The following WASL variants were observed in gnomAD, a reference collection of about 807,000 sequenced individuals.
WASL encodes the protein WASP like actin nucleation promoting factor, also known as actin nucleation-promoting factor WASL.
WASL carries 20 observed loss-of-function variants against 55.5 expected under a neutral mutation model. The observed-to-expected ratio is 0.36, with a 90% CI of 0.25 to 0.52. The LOEUF is 0.52. WASL is among the 20% of genes least tolerant of loss of function. WASL has a pLI of 0.92. For synonymous variants in WASL, 249 were observed against 217.6 expected, an observed-to-expected ratio of 1.14 and a Z score of -1.27; for missense variants, 504 against 622.5, an observed-to-expected ratio of 0.81 and a Z score of 2.03.
intron 7 of WASL, among the ~76,000 whole-genome samples, chr7:123,695,114 T>C (rs540510531): frequency 2.6e-5 from 4 of 152,164 alleles, no homozygotes; most frequent in Non-Finnish European, 5.9e-5. Context: ...AGCCTATTCA[T>C]GATTCAGACA....
chr7:123,743,393 T>C (rs992344842), intron 1 of WASL, among the ~76,000 whole-genome samples: 10 of 151,386 alleles, frequency 6.6e-5, no homozygotes, highest in Non-Finnish European at 1.5e-5. Flanking sequence ...TAGCAGAGCA[T>C]GGACTAAAAT....
intron 1 of WASL, among the ~76,000 whole-genome samples, chr7:123,747,895 CG>C (rs1386040696): frequency 1.3e-5 from 2 of 152,038 alleles, no homozygotes; most frequent in African/African-American, 4.8e-5. Context: ...GAATCATTCT[CG>C]GCCCCAAAAG....
intron 9 of WASL, 119 bp from the exon 10 acceptor site, chr7:123,689,269 C>T (rs1803355327): frequency 8.2e-6 from 6 of 728,032 alleles, no homozygotes; most frequent in Non-Finnish European, 1.4e-5. Context: ...AGATATCAAA[C>T]TGGCAAGCGC....
In WASL at chr7:123,706,791, A is replaced by G. The variant is rs1243166539; in HGVS notation, c.288T>C (p.Asn96=). 2.5e-6 allele frequency: 4 copies of G among 1,579,346 alleles called. No individual in the cohort carries two copies. In the East Asian group the frequency reaches 9.3e-5, roughly 37 times the overall value. Residue 96 remains asparagine (N), a synonymous_variant, in exon 3 of 11, where the codon AAT becomes AAC. Transcript: ENST00000223023. ...CTCTAGGACTATTATATACAAAGTT[A>G]TTGTATAGCTCTTGTTCCCACAATA... ...GKLLWEQELY[N]NFVYNSPRGY... is the part of the protein sequence containing the mutation.
intron 6 of WASL, 117 bp downstream of exon 6, chr7:123,696,462 G>C: frequency 2.2e-6 from 2 of 911,686 alleles, no homozygotes; most frequent in Non-Finnish European, 2.9e-6. Context: ...CGGTATCCAA[G>C]TGATGAATGT....
chr7:123,706,825 T>C lies in WASL; in HGVS notation c.254A>G (p.Asp85Gly). The change falls in exon 3 of 11, where the codon GAT becomes GGT. Residue 85 changes from aspartate to glycine, a missense_variant and splice_region_variant. Asp to Gly is a moderately conservative substitution (Grantham distance 94). Transcript: ENST00000223023. ...SYFLRIFDIK[D>G]GKLLWEQELY... ...CTCTTGTTCCCACAATAGTTTCCCA[T>C]CCTAGAAAAAAGTTAAAAATTAAAA... 1 of 1,539,664 alleles carries C rather than the reference T, an allele frequency of 6.5e-7. No individual in the cohort carries two copies.
intron 3 of WASL, 62 bp downstream of exon 3, chr7:123,706,678 T>A (rs1372796713): frequency 2.5e-6 from 3 of 1,184,304 alleles, no homozygotes; most frequent in Non-Finnish European, 2.4e-6. Flanking sequence ...ATAAATAATT[T>A]GGATTAGAAA....
intron 1 of WASL, among the ~76,000 whole-genome samples, chr7:123,742,280 G>A (rs1804356179): frequency 6.6e-6 from 1 of 152,156 alleles, no homozygotes; most frequent in African/African-American, 2.4e-5. Context: ...TCTGTCAAAG[G>A]TTCTAGTGTC....
intron 1 of WASL, among the ~76,000 whole-genome samples, chr7:123,718,662 T>C (rs1182780118): frequency 1.3e-5 from 2 of 152,216 alleles, no homozygotes; most frequent in Admixed American, 1.3e-4. Flanking sequence ...CCCAAAGTGC[T>C]GGGATTACAG....
intron 1 of WASL, among the ~76,000 whole-genome samples, chr7:123,748,319 G>A (rs935082105): frequency 3.9e-5 from 6 of 152,162 alleles, no homozygotes; most frequent in African/African-American, 1.2e-4. Context: ...TGTGGCCTGA[G>A]AATAAAGTTT....
chr7:123,712,432 T>C (rs1803773743), intron 1 of WASL, among the ~76,000 whole-genome samples: 1 of 152,166 alleles, frequency 6.6e-6, no homozygotes. Context: ...GATTTTAGGA[T>C]ATATAGCCTG....
chr7:123,743,439 C>T (rs1228934525), intron 1 of WASL, among the ~76,000 whole-genome samples: 1 of 151,988 alleles, frequency 6.6e-6, no homozygotes, highest in African/African-American at 2.4e-5. Context: ...GGACCCCTTT[C>T]TTCCTCTTCA....
chr7:123,748,794 C>G lies in WASL; in HGVS notation c.-60G>C. The G allele has an allele frequency of 7.2e-7, 1 of 1,381,788 alleles. No homozygotes were observed. Among genetic ancestry groups the G allele is most frequent in the Non-Finnish European group, 9.6e-7 (1 of 1,036,330 alleles). 85.6% of individuals were successfully genotyped at this position (1,381,788 alleles called of 1,614,324 possible). On this transcript the variant is annotated 5_prime_UTR_variant, in exon 1 of 11. Transcript: ENST00000223023. ...CTCCTCCGGCGAGTGGGCGAGAGCT[C>G]GTTCCCCCTCTCGGTGACAGGGGCG...
chr7:123,748,875 G>A lies in WASL; in HGVS notation c.-141C>T, dbSNP rs535773248. The A allele has an allele frequency of 4.3e-6, 3 of 690,972 alleles. No homozygotes were observed. The highest frequency in any genetic ancestry group is 3.2e-5 in the East Asian group (1 of 31,620). 42.8% of individuals were successfully genotyped at this position (690,972 alleles called of 1,614,324 possible). A position where few individuals can be genotyped will look rare whatever the true frequency, so the allele number is the denominator to read the frequency against. On this transcript the variant is annotated 5_prime_UTR_variant, in exon 1 of 11. Transcript: ENST00000223023. ...CGCAGCTCCTCCGGAGCGGGGAGGA[G>A]GACGAGGTCGAGGGAAGCAGGCGCT...
intron 6 of WASL, 32 bp downstream of exon 6, chr7:123,696,547 T>G (rs756443802): frequency 6.6e-7 from 1 of 1,508,628 alleles, no homozygotes; most frequent in Non-Finnish European, 8.8e-7. Flanking sequence ...AAATCAAAAG[T>G]GAAGATAAGA....
At chr7:123,711,889 G>A (rs895250534) in intron 1 of WASL, among the ~76,000 whole-genome samples, 1 of 152,144 alleles carries the variant, frequency 6.6e-6, no homozygotes, top group Non-Finnish European at 1.5e-5. Context: ...AAAAAGTACT[G>A]TATCAACTTT....
At chr7:123,723,808 G>T (rs1803996078) in intron 1 of WASL, among the ~76,000 whole-genome samples, 1 of 152,102 alleles carries the variant, frequency 6.6e-6, no homozygotes. Flanking sequence ...TTCTGCTTTG[G>T]ATTCCATGGG....
In WASL at chr7:123,694,831, T is replaced by C; in HGVS notation, c.710A>G (p.Asp237Gly). 6.2e-7 allele frequency: 1 copy of C among 1,611,468 alleles called. No individual in the cohort carries two copies. The highest frequency in any genetic ancestry group is 8.5e-7 in the Non-Finnish European group (1 of 1,179,096). The part of the protein sequence containing the change: ...NLDPELKNLF[D>G]MCGISEAQLK... ...TTGTGCCTCTGAGATTCCACACATA[T>C]CGAAAAGATTCTTCAATTCTGGATC... The change falls in exon 8 of 11, where the codon GAT (aspartate) becomes GGT (glycine). Residue 237 changes from aspartate (D) to glycine (G), a missense_variant. By Grantham distance (94) the Asp-to-Gly change is moderately conservative (BLOSUM62 -1). Coordinates refer to ENST00000223023, the MANE Select transcript of WASL (RefSeq NM_003941.4).
chr7:123,736,535 G>T (rs1370138048), intron 1 of WASL, among the ~76,000 whole-genome samples: 4 of 152,120 alleles, frequency 2.6e-5, no homozygotes, highest in Non-Finnish European at 5.9e-5. Flanking sequence ...AGTCGGTAGG[G>T]CTACGTCACT....
Sources: gnomAD v4.1 joint callset for allele counts (sites outside exome capture counted in the v4.1 genomes callset) on GRCh38, gnomAD v4.1.1 for gene constraint, MANE v1.5 for transcripts, NCBI Gene and HGNC (gene_info 2026-07-23, HGNC 2026-07-21) for gene names.